Variants in SLC15A4 observed in about 807,000 individuals in gnomAD.
The protein encoded by SLC15A4 is solute carrier family 15 member 4.
Under a neutral mutation model 46.1 loss-of-function variants are expected in SLC15A4, and 26 were observed. The observed-to-expected ratio is 0.56, with a 90% CI of 0.41 to 0.78. The LOEUF (loss-of-function observed/expected upper bound fraction) is 0.78. Ranked by LOEUF, SLC15A4 falls within the 30% of genes least tolerant of loss-of-function variation. The pLI is 0.00. For synonymous variants in SLC15A4, 370 were observed against 333.4 expected (o/e 1.11, Z -1.20); for missense variants, 751 against 755.7 (o/e 0.99, Z 0.07).
At position 128,823,664 on chromosome 12, in the gene SLC15A4, A is replaced by T; in HGVS notation, c.280T>A (p.Trp94Arg). Residue 94 changes from tryptophan (W) to arginine (R), a missense_variant, in exon 1 of 8, where the codon TGG becomes AGG. Physicochemically the swap from Trp to Arg is moderately radical, Grantham distance 101. Coordinates refer to ENST00000266771, the MANE Select transcript of SLC15A4 (RefSeq NM_145648.4). ...LTYLGSPFGG[W>R]LADARLGRAR... ...CGGCCCAGCCGCGCGTCGGCCAGCC[A>T]GCCTCCGAACGGCGAGCCCAGGTAG... The T allele has an allele frequency of 6.7e-7, 1 of 1,495,964 alleles. No homozygotes were observed. The highest frequency in any genetic ancestry group is 8.9e-7 in the Non-Finnish European group (1 of 1,128,468). The allele number at this position is 1,495,964 out of a possible 1,614,324, so 92.7% of individuals were successfully genotyped here. A position where few individuals can be genotyped will look rare whatever the true frequency, so the allele number is the denominator to read the frequency against.
chr12:128,818,587 G>A (rs1260936908), intron 1 of SLC15A4, among the ~76,000 whole-genome samples: 1 of 152,194 alleles, frequency 6.6e-6, no homozygotes, highest in Non-Finnish European at 1.5e-5. Context: ...AAGCACCCTG[G>A]CATAAGGGTA....
intron 1 of SLC15A4, among the ~76,000 whole-genome samples, chr12:128,820,292 T>G (rs796429403): frequency 2.2e-4 from 34 of 152,314 alleles, no homozygotes; most frequent in African/African-American, 7.5e-4. Context: ...AAGTCCAGCT[T>G]GACCACTCAC....
rs368928109 is a variant in SLC15A4, at chr12:128,802,616, G to A, written c.1259-1607C>T. ...CGGGACAAGGGAAGGTTACTCATGC[G>A]GAGGACAATAAGTAGATTTTATAAC... On this transcript the variant is annotated intron_variant, in intron 5 of 7. Coordinates refer to ENST00000266771, the MANE Select transcript of SLC15A4 (RefSeq NM_145648.4). Among the ~76,000 whole-genome samples the A allele has an allele frequency of 6.6e-5, 10 of 152,178 alleles. No homozygotes were observed. The East Asian group carries it at 7.7e-4, about 12-fold the overall frequency.
intron 2 of SLC15A4, among the ~76,000 whole-genome samples, chr12:128,812,503 T>TAG (rs773634493): frequency 1.3e-5 from 2 of 152,254 alleles, no homozygotes; most frequent in East Asian, 1.9e-4. Flanking sequence ...GTATTTTTAG[T>TAG]AGACGGGGTT....
intron 2 of SLC15A4, chr12:128,813,956 C>T (rs1210953368): frequency 1.3e-5 from 2 of 154,628 alleles, no homozygotes; most frequent in African/African-American, 4.8e-5. Context: ...TCTGAGCTCT[C>T]TTCTTGGGCT....
At position 128,815,082 on chromosome 12, in the gene SLC15A4, G is replaced by C; in HGVS notation, c.547-12C>G. 1 of 1,602,272 alleles carries C rather than the reference G, an allele frequency of 6.2e-7. No homozygotes were observed. Reference sequence around the variant, plus strand: ...CCTCGATCTTTAACCTAAAATAACAGGGAGGAAAGACACTTGAAAATATAT... The same window carrying C: ...CCTCGATCTTTAACCTAAAATAACACGGAGGAAAGACACTTGAAAATATAT... On this transcript the variant is annotated splice_polypyrimidine_tract_variant and intron_variant, in intron 1 of 7. Coordinates refer to ENST00000266771, the MANE Select transcript of SLC15A4 (RefSeq NM_145648.4).
intron 2 of SLC15A4, among the ~76,000 whole-genome samples, chr12:128,811,067 A>G (rs1053918074): frequency 2.0e-5 from 3 of 152,178 alleles, no homozygotes; most frequent in African/African-American, 4.8e-5. Context: ...GGCCTGCTTC[A>G]TTATTTAGAA....
At chr12:128,820,326 ATC>A (rs1477810380) in intron 1 of SLC15A4, among the ~76,000 whole-genome samples, 4 of 152,210 alleles carry the variant, frequency 2.6e-5, no homozygotes, top group South Asian at 2.1e-4. Context: ...TAAGAAAGTG[ATC>A]TGTTTTTGTG....
At chr12:128,799,918 C>T (rs951559490) in intron 6 of SLC15A4, among the ~76,000 whole-genome samples, 6 of 151,944 alleles carry the variant, frequency 3.9e-5, no homozygotes, top group African/African-American at 1.2e-4. Flanking sequence ...CTTGGCTCAC[C>T]GCAACTTCCG....
Position 128,794,289 on chromosome 12 carries a change from G to A in SLC15A4, c.1641C>T (p.Leu547=), listed in dbSNP as rs1480344930. 1.2e-6 allele frequency: 2 copies of A among 1,614,028 alleles called. No homozygotes were observed. Among genetic ancestry groups the A allele is most frequent in the Middle Eastern group, 1.6e-4 (1 of 6,062 alleles). Residue 547 remains leucine, a synonymous_variant, in exon 8 of 8, where the codon CTC becomes CTT. Transcript: ENST00000266771. ...FLLAAIQGAT[L]LLFLIISVKY... ...TCACAGAAATAATGAGGAAAAGCAG[G>A]AGGGTAGCTCCTTGAATAGCAGCCA...
Position 128,808,878 on chromosome 12 carries a change from G to A in SLC15A4, c.1168C>T (p.Pro390Ser), listed in dbSNP as rs776838115. Residue 390 changes from proline (P) to serine (S), a missense_variant, in exon 5 of 8, where the codon CCC becomes TCC. Coordinates refer to ENST00000266771, the MANE Select transcript of SLC15A4 (RefSeq NM_145648.4). ...LIPLKDKLVD[P>S]ILRRHGLLPS... ...AGCAGGCCATGTCTTCTCAAAATGG[G>A]ATCGACCAGTTTGTCCTTCAGAGGG... 73 of 1,614,046 alleles carry A rather than the reference G, an allele frequency of 4.5e-5. No individual in the cohort carries two copies. The highest frequency in any genetic ancestry group is 6.1e-5 in the Non-Finnish European group (72 of 1,180,006).
chr12:128,806,226 G>A (rs1955588147), intron 5 of SLC15A4, among the ~76,000 whole-genome samples: 1 of 146,376 alleles, frequency 6.8e-6, no homozygotes, highest in African/African-American at 2.5e-5. Context: ...ACTGTACACA[G>A]AATATAACCA....
chr12:128,807,013 C>T (rs1400004115), intron 5 of SLC15A4, among the ~76,000 whole-genome samples: 1 of 151,272 alleles, frequency 6.6e-6, no homozygotes, highest in Non-Finnish European at 1.5e-5. Flanking sequence ...AGCGACTCTC[C>T]TGCCTCAACC....
intron 7 of SLC15A4, among the ~76,000 whole-genome samples, chr12:128,797,059 A>C (rs770462211): frequency 1.9e-4 from 29 of 152,178 alleles, no homozygotes; most frequent in Non-Finnish European, 3.5e-4. Flanking sequence ...CACAGACAGA[A>C]GGATAATTAC....
intron 7 of SLC15A4, 29 bp from the exon 8 acceptor site, chr12:128,794,385 T>C: frequency 6.3e-7 from 1 of 1,594,888 alleles, no homozygotes; most frequent in Non-Finnish European, 8.5e-7. Flanking sequence ...AAGCGGCAGG[T>C]AAGCTGCGCT....
chr12:128,801,860 G>A (rs1014751307), intron 5 of SLC15A4, among the ~76,000 whole-genome samples: 2 of 152,150 alleles, frequency 1.3e-5, no homozygotes, highest in Non-Finnish European at 2.9e-5. Context: ...ATGAAGAAAG[G>A]TCTGGTCAGA....
At chr12:128,795,568 C>T (rs1474392132) in intron 7 of SLC15A4, among the ~76,000 whole-genome samples, 2 of 152,176 alleles carry the variant, frequency 1.3e-5, no homozygotes, top group Non-Finnish European at 2.9e-5. Context: ...AGTCTGGACG[C>T]GGTGAGGGTG....
intron 1 of SLC15A4, 48 bp downstream of exon 1, chr12:128,823,350 G>A (rs1225149397): frequency 1.5e-6 from 2 of 1,350,126 alleles, no homozygotes; most frequent in Non-Finnish European, 1.9e-6. Flanking sequence ...GCTGGGGCTG[G>A]GCAGGGGCTG....
rs1363960113 is a variant in SLC15A4, at chr12:128,800,694, TG to T, written c.1414+159del. 512 of 640,384 alleles carry T rather than the reference TG, an allele frequency of 8.0e-4. 1 individual carries two copies. Among genetic ancestry groups the T allele is most frequent in the African/African-American group, 6.9e-3 (376 of 54,286 alleles). The allele number at this position is 640,384 out of a possible 1,614,324, so 39.7% of individuals were successfully genotyped here. On this transcript the variant is annotated intron_variant, in intron 6 of 7. Coordinates refer to ENST00000266771, the MANE Select transcript of SLC15A4 (RefSeq NM_145648.4). ...AAAGAATGGAGAACCTCAGCACTGG[TG>T]TGTTTACCTAGCGATTCATATTCTA...
Sources: gnomAD v4.1 joint callset for allele counts (sites outside exome capture counted in the v4.1 genomes callset) on GRCh38, gnomAD v4.1.1 for gene constraint, MANE v1.5 for transcripts, NCBI Gene and HGNC (gene_info 2026-07-23, HGNC 2026-07-21) for gene names.